Variants in DLGAP2 observed in about 807,000 individuals in gnomAD.
DLGAP2 encodes disks large-associated protein 2.
Under a neutral mutation model 100.3 loss-of-function variants are expected in DLGAP2, and 26 were observed. The ratio of observed to expected loss-of-function variants is 0.26; its 90% confidence interval spans 0.19 to 0.36. The LOEUF (loss-of-function observed/expected upper bound fraction) is 0.36, where lower values mean the gene tolerates loss of function less well. Ranked by LOEUF, DLGAP2 falls within the 10% of genes least tolerant of loss-of-function variation. The pLI, the probability that DLGAP2 is intolerant of heterozygous loss-of-function variation, is 1.00. For missense variants in DLGAP2, 1,858 were observed against 1,453.2 expected (o/e 1.28, Z -4.53); for synonymous variants, 886 against 630.1 (o/e 1.41, Z -6.08).
intron 3 of DLGAP2, among the ~76,000 whole-genome samples, chr8:1,294,695 G>C (rs949216492): frequency 6.6e-6 from 1 of 152,112 alleles, no homozygotes; most frequent in Admixed American, 6.6e-5. Context: ...GTATGTGTGA[G>C]AGAGTTAGAT....
intron 1 of DLGAP2, among the ~76,000 whole-genome samples, chr8:897,633 C>T (rs1798168889): frequency 6.6e-6 from 1 of 152,218 alleles, no homozygotes; most frequent in Non-Finnish European, 1.5e-5. Context: ...GCACCCCCTG[C>T]ATCTTCTGTT....
At chr8:1,188,168 C>T (rs557848387) in intron 2 of DLGAP2, among the ~76,000 whole-genome samples, 9 of 127,736 alleles carry the variant, frequency 7.0e-5, no homozygotes, top group African/African-American at 1.9e-4. Context: ...GTTTCCCTCA[C>T]GGAATCTCAC....
intron 1 of DLGAP2, among the ~76,000 whole-genome samples, chr8:761,161 G>T (rs1241207613): frequency 6.6e-6 from 1 of 152,100 alleles, no homozygotes; most frequent in Non-Finnish European, 1.5e-5. Flanking sequence ...TCCTGGCTTG[G>T]GGGGCCAGGC....
rs1405027076 is a variant in DLGAP2 at position 1,203,354 on chromosome 8, G to A, written c.74-55497G>A. On this transcript the variant is annotated intron_variant, in intron 2 of 14. Coordinates refer to ENST00000637795, the MANE Select transcript of DLGAP2 (RefSeq NM_001346810.2). ...CGAGGCCACCCACCCCTCGGTGTTA[G>A]AATCCATGAGACTGGCGTGTCCTTC... 9.9e-5 allele frequency among the ~76,000 whole-genome samples: 15 copies of A among 151,976 alleles called. 4 individuals carry two copies. The highest frequency in any genetic ancestry group is 3.6e-4 in the African/African-American group (15 of 41,398).
At chr8:1,135,851 G>A (rs984598570) in intron 2 of DLGAP2, among the ~76,000 whole-genome samples, 2 of 152,176 alleles carry the variant, frequency 1.3e-5, no homozygotes, top group Admixed American at 6.5e-5. Context: ...TGCTGAGCAC[G>A]GGGGATTGGC....
chr8:1,676,565 C>T lies in DLGAP2; in HGVS notation c.2235C>T (p.Ser745=). 6.2e-7 allele frequency: 1 copy of T among 1,613,478 alleles called. No homozygotes were observed. Among genetic ancestry groups the T allele is most frequent in the Non-Finnish European group, 8.5e-7 (1 of 1,179,706 alleles). ...VETATDSDTE[S]RGLREYHSVG... ...CGGCCACAGATTCTGACACGGAGAG[C>T]CGCGGTCTGCGGGAATACCACTCTG... The change falls in exon 11 of 15, where the codon AGC becomes AGT. Residue 745 remains serine (S), a synonymous_variant. Transcript: ENST00000637795.
chr8:1,411,504 G>T (rs1035131213), intron 3 of DLGAP2, among the ~76,000 whole-genome samples: 1 of 152,196 alleles, frequency 6.6e-6, no homozygotes, highest in Non-Finnish European at 1.5e-5. Context: ...CCCTAGCCTG[G>T]TGACATTGGC....
At position 973,934 on chromosome 8, in the gene DLGAP2, G is replaced by A. The variant is rs553184410; in HGVS notation, c.73+65968G>A. Among the ~76,000 whole-genome samples, 269 of 151,318 alleles carry A rather than the reference G, an allele frequency of 1.8e-3. 3 individuals are homozygous for A. Among genetic ancestry groups the A allele is most frequent in the African/African-American group, 6.2e-3 (259 of 41,484 alleles). On this transcript the variant is annotated intron_variant, in intron 2 of 14. Transcript: ENST00000637795. ...ACCGCCGCCACCCCGGCTGGAGAGC[G>A]CTGGGCGCAAGCTGCGCGCGCAGAC...
intron 1 of DLGAP2, among the ~76,000 whole-genome samples, chr8:863,243 C>G (rs1361231314): frequency 6.6e-6 from 1 of 152,186 alleles, no homozygotes; most frequent in Admixed American, 6.5e-5. Context: ...TCTGGACATG[C>G]TCTGCACCAG....
At chr8:854,586 A>C (rs566144213) in intron 1 of DLGAP2, among the ~76,000 whole-genome samples, 2 of 149,478 alleles carry the variant, frequency 1.3e-5, no homozygotes, top group African/African-American at 5.1e-5. Flanking sequence ...TTGTGTGTTC[A>C]TGTTGTATGT....
chr8:983,423 C>T (rs1321826338), intron 2 of DLGAP2, among the ~76,000 whole-genome samples: 1 of 151,726 alleles, frequency 6.6e-6, no homozygotes, highest in African/African-American at 2.4e-5. Context: ...TTAGAATCCA[C>T]GTGTTGGTGG....
At chr8:1,028,377 A>G (rs9693737) in intron 2 of DLGAP2, among the ~76,000 whole-genome samples, 6,390 of 72,252 alleles carry the variant, frequency 0.088, 498 homozygotes, top group African/African-American at 0.2. Flanking sequence ...GGTGTCAGGC[A>G]CCCGTTATTC....
intron 3 of DLGAP2, among the ~76,000 whole-genome samples, chr8:1,357,905 T>A (rs4454302): frequency 6.6e-6 from 1 of 151,972 alleles, no homozygotes; most frequent in African/African-American, 2.4e-5. Flanking sequence ...CTGACATGGA[T>A]GTTGGCTCCC....
At chr8:1,268,573 C>T (rs1360283038) in intron 3 of DLGAP2, among the ~76,000 whole-genome samples, 3 of 152,104 alleles carry the variant, frequency 2.0e-5, no homozygotes, top group African/African-American at 7.2e-5. Flanking sequence ...GCATAAAATG[C>T]CCCCAATTTA....
intron 1 of DLGAP2, among the ~76,000 whole-genome samples, chr8:797,365 T>C (rs1317020393): frequency 2.0e-5 from 3 of 152,266 alleles, no homozygotes; most frequent in Admixed American, 2.0e-4. Flanking sequence ...GATTTATTCA[T>C]GTTGGTGCAT....
intron 2 of DLGAP2, among the ~76,000 whole-genome samples, chr8:1,036,785 A>G (rs1396570494): frequency 6.6e-6 from 1 of 152,196 alleles, no homozygotes; most frequent in East Asian, 1.9e-4. Flanking sequence ...AATTGCCGTC[A>G]CTAAGAAAAG....
intron 1 of DLGAP2, among the ~76,000 whole-genome samples, chr8:879,976 C>T (rs948034470): frequency 6.6e-6 from 1 of 152,274 alleles, no homozygotes; most frequent in Non-Finnish European, 1.5e-5. Context: ...TCCTTCTTTA[C>T]TCATTTGATC....
chr8:1,354,478 A>G (rs1801803651), intron 3 of DLGAP2, among the ~76,000 whole-genome samples: 1 of 152,220 alleles, frequency 6.6e-6, no homozygotes, highest in South Asian at 2.1e-4. Context: ...GAGCCGCTGC[A>G]CTCCAGCCTG....
intron 5 of DLGAP2, among the ~76,000 whole-genome samples, chr8:1,563,996 T>C (rs963575824): frequency 2.6e-5 from 4 of 152,234 alleles, no homozygotes; most frequent in Non-Finnish European, 4.4e-5. Context: ...TTTCTTTCTC[T>C]GTAAACAGCA....
Sources: allele counts gnomAD v4.1 joint callset (sites outside exome capture counted in the v4.1 genomes callset), GRCh38; gene constraint gnomAD v4.1.1; transcripts MANE v1.5; gene names NCBI Gene and HGNC (gene_info 2026-07-23, HGNC 2026-07-21).